PLCB1: variants seen among roughly 807,000 people sequenced by gnomAD.
PLCB1 encodes phospholipase C beta 1.
Under a neutral mutation model 161.8 loss-of-function variants are expected in PLCB1, and 46 were observed. The ratio of observed to expected loss-of-function variants is 0.28; its 90% confidence interval spans 0.22 to 0.36. The LOEUF is 0.36. PLCB1 is among the 10% of genes least tolerant of loss of function. PLCB1 has a pLI of 1.00. For missense variants in PLCB1, 1,016 were observed against 1,472.5 expected (o/e 0.69, Z 5.07); for synonymous variants, 517 against 503.7 (o/e 1.03, Z -0.35).
At chr20:8,285,543 G>T (rs1026961964) in intron 2 of PLCB1, among the ~76,000 whole-genome samples, 1 of 152,060 alleles carries the variant, frequency 6.6e-6, no homozygotes, top group Non-Finnish European at 1.5e-5. Context: ...CATGTGGCTG[G>T]TTCATTGATC....
intron 3 of PLCB1, among the ~76,000 whole-genome samples, chr20:8,394,698 G>C (rs544174006): frequency 6.6e-6 from 1 of 152,156 alleles, no homozygotes; most frequent in East Asian, 1.9e-4. Context: ...AAAACTATAG[G>C]CCATTAGTGC....
At chr20:8,789,487 G>T in intron 29 of PLCB1, 31 bp from the exon 30 acceptor site, 1 of 1,443,042 alleles carries the variant, frequency 6.9e-7, no homozygotes, top group Non-Finnish European at 9.8e-7. Context: ...GGATGAATTG[G>T]TATAATGATG....
intron 9 of PLCB1, among the ~76,000 whole-genome samples, chr20:8,681,781 A>T (rs1568558565): frequency 6.6e-6 from 1 of 152,242 alleles, no homozygotes; most frequent in Non-Finnish European, 1.5e-5. Context: ...CAAATATTAC[A>T]AATTTCATAT....
chr20:8,813,089 G>A (rs373373299), intron 31 of PLCB1, among the ~76,000 whole-genome samples: 9 of 152,198 alleles, frequency 5.9e-5, no homozygotes, highest in African/African-American at 1.2e-4. Flanking sequence ...TGGACACCGC[G>A]TCCTCTCCTG....
chr20:8,644,181 A>C (rs1437174769), intron 4 of PLCB1, among the ~76,000 whole-genome samples: 4 of 152,106 alleles, frequency 2.6e-5, no homozygotes, highest in Admixed American at 2.6e-4. Context: ...TTGGCCTCCC[A>C]AAGTGCCGAG....
chr20:8,592,267 C>T (rs1349603956), intron 3 of PLCB1, among the ~76,000 whole-genome samples: 3 of 152,090 alleles, frequency 2.0e-5, no homozygotes, highest in Admixed American at 6.6e-5. Flanking sequence ...ATTGACAAAC[C>T]ATTAATACAG....
chr20:8,734,050 C>A (rs927673247), intron 19 of PLCB1, among the ~76,000 whole-genome samples: 11 of 131,618 alleles, frequency 8.4e-5, no homozygotes, highest in African/African-American at 2.5e-4. Flanking sequence ...ATGGCGTGAA[C>A]CTGGGAGGTG....
At chr20:8,806,946 G>C (rs1341927427) in intron 31 of PLCB1, among the ~76,000 whole-genome samples, 1 of 152,030 alleles carries the variant, frequency 6.6e-6, no homozygotes, top group Non-Finnish European at 1.5e-5. Flanking sequence ...CGACTGCTTT[G>C]GGCTAAATTA....
chr20:8,258,157 T>A (rs753980113), intron 2 of PLCB1, among the ~76,000 whole-genome samples: 1 of 152,012 alleles, frequency 6.6e-6, no homozygotes, highest in Non-Finnish European at 1.5e-5. Context: ...ATATAAAGAG[T>A]ACGTGAAGCC....
chr20:8,175,997 A>G (rs1234290391), intron 2 of PLCB1, among the ~76,000 whole-genome samples: 1 of 152,166 alleles, frequency 6.6e-6, no homozygotes, highest in Non-Finnish European at 1.5e-5. Flanking sequence ...CACCTATCAG[A>G]ATGGCTGGAA....
At chr20:8,478,583 G>C (rs62197593) in intron 3 of PLCB1, among the ~76,000 whole-genome samples, 1 of 151,920 alleles carries the variant, frequency 6.6e-6, no homozygotes, top group Non-Finnish European at 1.5e-5. Flanking sequence ...ACTATTTTAT[G>C]TTTTGCATTT....
chr20:8,854,531 G>A (rs546418503), intron 31 of PLCB1, among the ~76,000 whole-genome samples: 66 of 152,296 alleles, frequency 4.3e-4, no homozygotes, highest in African/African-American at 1.6e-3. Flanking sequence ...CAAGATTACA[G>A]AATGGAGATG....
rs534171442 is a variant in PLCB1 at position 8,637,679 on chromosome 20, A to C, written c.385-8423A>C. Among the ~76,000 whole-genome samples the C allele has an allele frequency of 2.3e-4, 35 of 152,352 alleles. 1 individual carries two copies. The highest frequency in any genetic ancestry group is 3.4e-3 in the Middle Eastern group (1 of 294). Reference sequence around the variant, plus strand: ...AGATAAATATATACTTGTTATTAGGAATGTTCCCTTCGGAAAGCCATGTGG... The same window carrying C: ...AGATAAATATATACTTGTTATTAGGCATGTTCCCTTCGGAAAGCCATGTGG... On this transcript the variant is annotated intron_variant, in intron 4 of 31. Transcript: ENST00000338037.
At chr20:8,723,649 C>T (rs544802872) in intron 15 of PLCB1, among the ~76,000 whole-genome samples, 2 of 152,188 alleles carry the variant, frequency 1.3e-5, no homozygotes, top group South Asian at 2.1e-4. Context: ...AATCAAAAAC[C>T]CCTATATGCT....
chr20:8,183,999 A>G (rs1437581900), intron 2 of PLCB1, among the ~76,000 whole-genome samples: 1 of 152,086 alleles, frequency 6.6e-6, no homozygotes, highest in Non-Finnish European at 1.5e-5. Context: ...GATTTTCAAT[A>G]TGTTTTTGGG....
rs528852428 is a variant in PLCB1, at chr20:8,310,657, A to G, written c.178-60725A>G. On this transcript the variant is annotated intron_variant, in intron 2 of 31. Coordinates refer to ENST00000338037, the MANE Select transcript of PLCB1 (RefSeq NM_015192.4). Reference sequence around the variant, plus strand: ...CAGGGGTTACATGTGCAGGTTGGTTACAAGGATATATTGTGTGATGCTGAT... The same window carrying G: ...CAGGGGTTACATGTGCAGGTTGGTTGCAAGGATATATTGTGTGATGCTGAT... 8.5e-5 allele frequency among the ~76,000 whole-genome samples: 13 copies of G among 152,242 alleles called. No homozygotes were observed. In the East Asian group the frequency reaches 2.3e-3, roughly 27 times the overall value.
chr20:8,476,890 C>T (rs981195011), intron 3 of PLCB1, among the ~76,000 whole-genome samples: 1 of 152,072 alleles, frequency 6.6e-6, no homozygotes, highest in African/African-American at 2.4e-5. Flanking sequence ...GGCTCCCACC[C>T]CATCATATAG....
chr20:8,814,657 TCTAAA>T (rs1006744605), intron 31 of PLCB1, among the ~76,000 whole-genome samples: 6 of 152,150 alleles, frequency 3.9e-5, no homozygotes, highest in South Asian at 2.1e-4. Context: ...GGTACAGTTC[TCTAAA>T]CTAAAGAAGC....
At chr20:8,167,366 TA>T (rs2051686228) in intron 2 of PLCB1, among the ~76,000 whole-genome samples, 1 of 152,202 alleles carries the variant, frequency 6.6e-6, no homozygotes, top group African/African-American at 2.4e-5. Flanking sequence ...AATAATTTTT[TA>T]AATTTTAGAA....
Sources: allele counts gnomAD v4.1 joint callset (sites outside exome capture counted in the v4.1 genomes callset), GRCh38; gene constraint gnomAD v4.1.1; transcripts MANE v1.5; gene names NCBI Gene and HGNC (gene_info 2026-07-23, HGNC 2026-07-21).